COL3A1: variants seen among roughly 807,000 people sequenced by gnomAD.
The protein encoded by COL3A1 is collagen type III alpha 1 chain.
Under a neutral mutation model 200.9 loss-of-function variants are expected in COL3A1, and 46 were observed. The observed-to-expected ratio is 0.23, with a 90% CI of 0.18 to 0.29. The LOEUF is 0.29. COL3A1 is among the 10% of genes least tolerant of loss of function. COL3A1 has a pLI of 1.00. For synonymous variants in COL3A1, 650 were observed against 628.0 expected (o/e 1.03, Z -0.52); for missense variants, 1,367 against 1,917.6 (o/e 0.71, Z 5.36).
chr2:188,985,516 C>T, intron 3 of COL3A1, 149 bp from the exon 4 acceptor site: 1 of 665,234 alleles, frequency 1.5e-6, no homozygotes, highest in Non-Finnish European at 2.6e-6. Flanking sequence ...AAATTATTCA[C>T]AAGATTTTGA....
At position 189,003,155 on chromosome 2, in the gene COL3A1, C is replaced by T; in HGVS notation, c.2553+93C>T. On this transcript the variant is annotated intron_variant, in intron 36 of 50. Transcript: ENST00000304636. ...TCTCCCTCTCTCTCTCCCTCTCCCC[C>T]CTCTGTAAGTCCTAAGTGTTCTAAT... 10 of 1,067,074 alleles carry T rather than the reference C, an allele frequency of 9.4e-6. No individual in the cohort carries two copies. The South Asian group carries it at 1.2e-4, about 13-fold the overall frequency. 66.1% of individuals were successfully genotyped at this position (1,067,074 alleles called of 1,614,324 possible). A position where few individuals can be genotyped will look rare whatever the true frequency, so the allele number is the denominator to read the frequency against.
chr2:188,975,774 T>C (rs1028547658), intron 1 of COL3A1, among the ~76,000 whole-genome samples: 3 of 152,008 alleles, frequency 2.0e-5, no homozygotes, highest in Admixed American at 2.0e-4. Flanking sequence ...ATTTTCCTTG[T>C]TCCCTTAATT....
intron 12 of COL3A1, 42 bp downstream of exon 12, chr2:188,991,573 A>T (rs1688189762): frequency 6.2e-7 from 1 of 1,604,576 alleles, no homozygotes; most frequent in East Asian, 2.2e-5. Context: ...TTTATTATTA[A>T]CCTCATTGTT....
intron 45 of COL3A1, 27 bp from the exon 46 acceptor site, chr2:189,007,858 T>A (rs764373333): frequency 1.2e-6 from 2 of 1,613,284 alleles, no homozygotes; most frequent in South Asian, 2.2e-5. Context: ...AGGCCTTCAC[T>A]CCTATGTACA....
chr2:189,004,172 T>C, intron 39 of COL3A1, 29 bp downstream of exon 39: 4 of 1,613,184 alleles, frequency 2.5e-6, no homozygotes, highest in Non-Finnish European at 3.4e-6. Flanking sequence ...TTAAATTGAT[T>C]CTACTATTTT....
intron 11 of COL3A1, among the ~76,000 whole-genome samples, 182 bp downstream of exon 11, chr2:188,991,239 T>C (rs1688182419): frequency 6.6e-6 from 1 of 152,110 alleles, no homozygotes; most frequent in African/African-American, 2.4e-5. Context: ...AATGACAACT[T>C]GAAGAGTCTA....
intron 30 of COL3A1, 24 bp downstream of exon 30, chr2:188,999,407 C>T (rs893900327): frequency 4.3e-6 from 7 of 1,613,754 alleles, no homozygotes; most frequent in Non-Finnish European, 5.9e-6. Flanking sequence ...ATTCCATTCA[C>T]CTAGGTTTAA....
chr2:188,991,115 A>G (rs894026383), intron 11 of COL3A1, 58 bp downstream of exon 11: 34 of 1,535,328 alleles, frequency 2.2e-5, no homozygotes, highest in Admixed American at 3.4e-5. Flanking sequence ...TTAAAGCTAC[A>G]TATAAGATTC....
At chr2:189,003,929 G>T (rs1688527270) in intron 38 of COL3A1, 53 bp from the exon 39 acceptor site, 18 of 1,565,470 alleles carry the variant, frequency 1.1e-5, no homozygotes, top group Non-Finnish European at 1.5e-5. Context: ...AAAAAAGAAA[G>T]AAAAAATGCA....
intron 1 of COL3A1, among the ~76,000 whole-genome samples, chr2:188,981,090 C>G (rs1435448989): frequency 6.6e-6 from 1 of 151,332 alleles, no homozygotes; most frequent in Admixed American, 6.6e-5. Flanking sequence ...ACATAACATT[C>G]ATTTTTTGTC....
chr2:189,008,609 A>T, intron 47 of COL3A1: 1 of 473,154 alleles, frequency 2.1e-6, no homozygotes, highest in Non-Finnish European at 3.8e-6. Context: ...CCCCTCTGTC[A>T]TGTCAATATT....
At position 188,985,675 on chromosome 2, in the gene COL3A1, G is replaced by T; in HGVS notation, c.344G>T (p.Gly115Val). The T allele has an allele frequency of 6.2e-7, 1 of 1,608,626 alleles. No homozygotes were observed. Among genetic ancestry groups the T allele is most frequent in the Non-Finnish European group, 8.5e-7 (1 of 1,177,330 alleles). The change falls in exon 4 of 51, where the codon GGT becomes GTT. Residue 115 changes from glycine to valine, a missense_variant. By Grantham distance (109) the Gly-to-Val change is moderately radical. This residue lies in a region of COL3A1 where 462 missense variants were observed against 681.4 expected (regional missense o/e 0.68). Transcript: ENST00000304636. ...QGPKGDPGPP[G>V]IPGRNGDPGI... is the part of the protein sequence containing the mutation. Reference sequence around the variant, plus strand: ...TTATCTCTTTTTTAGGGCCCTCCTGGTATTCCTGGGAGAAATGGTGACCCT... The same window carrying T: ...TTATCTCTTTTTTAGGGCCCTCCTGTTATTCCTGGGAGAAATGGTGACCCT...
chr2:189,010,441 G>A (rs1688696603), intron 49 of COL3A1, 76 bp downstream of exon 49: 2 of 1,564,792 alleles, frequency 1.3e-6, no homozygotes, highest in Admixed American at 1.7e-5. Context: ...TCATCACAAA[G>A]CAAAGTTACT....
rs1241768179 is a variant in COL3A1, at chr2:189,004,062, T to C, written c.2742T>C (p.Pro914=). 6.2e-7 allele frequency: 1 copy of C among 1,613,200 alleles called. No individual in the cohort carries two copies. Among genetic ancestry groups the C allele is most frequent in the Non-Finnish European group, 8.5e-7 (1 of 1,179,970 alleles). Residue 914 remains proline (P), a synonymous_variant, in exon 39 of 51, where the codon CCT becomes CCC. Transcript: ENST00000304636. ...PPGPAGNTGA[P]GSPGVSGPKG... is the part of the protein sequence containing the mutation. ...GTCCTGCGGGTAACACTGGTGCTCC[T>C]GGCAGCCCTGGAGTGTCTGGACCAA...
intron 33 of COL3A1, 27 bp from the exon 34 acceptor site, chr2:189,001,509 A>G (rs1450814320): frequency 6.2e-7 from 1 of 1,614,136 alleles, no homozygotes; most frequent in Non-Finnish European, 8.5e-7. Context: ...TGGATGCAAG[A>G]CAGTGACATG....
chr2:189,008,483 C>T, intron 47 of COL3A1: 1 of 406,896 alleles, frequency 2.5e-6, no homozygotes, highest in Non-Finnish European at 4.5e-6. Flanking sequence ...GTGCATTTTA[C>T]TTCTCAAACA....
chr2:188,985,586 G>C, intron 3 of COL3A1, 79 bp from the exon 4 acceptor site: 1 of 886,116 alleles, frequency 1.1e-6, no homozygotes, highest in African/African-American at 1.7e-5. Context: ...ATATTATAAA[G>C]TAGAGAAACA....
rs189627079 is a variant in COL3A1 at position 188,990,398 on chromosome 2, C to A, written c.798+38C>A. The A allele has an allele frequency of 3.3e-4, 506 of 1,556,202 alleles. 2 individuals are homozygous for A. In the African/African-American group the frequency reaches 6.4e-3, roughly 20 times the overall value. ...TCTAAGTTGTTTACAAGGTATTCCA[C>A]TGGGCTATGTTTACTTGCCTAACCA... On this transcript the variant is annotated intron_variant, in intron 10 of 50. Transcript: ENST00000304636.
At chr2:188,999,158 G>T in intron 29 of COL3A1, 127 bp from the exon 30 acceptor site, 3 of 901,290 alleles carry the variant, frequency 3.3e-6, no homozygotes, top group Non-Finnish European at 5.3e-6. Context: ...CTATTTTTAA[G>T]TATACAAATT....
Sources: gnomAD v4.1 joint callset for allele counts (sites outside exome capture counted in the v4.1 genomes callset) on GRCh38, gnomAD v4.1.1 for gene constraint, gnomAD v4.1.1 regional missense constraint, MANE v1.5 for transcripts, NCBI Gene and HGNC (gene_info 2026-07-23, HGNC 2026-07-21) for gene names.